RASA2: variants seen among roughly 807,000 people sequenced by gnomAD.
RASA2 encodes ras GTPase-activating protein 2.
In RASA2, 155 loss-of-function variants were observed where a neutral mutation model predicts 118.2. The observed-to-expected ratio is 1.31, with a 90% CI of 1.15 to 1.50. The LOEUF is 1.50. RASA2 is among the 40% of genes most tolerant of loss of function. The pLI is 0.00. For missense variants in RASA2, 1,016 were observed against 1,009.6 expected (o/e 1.01, Z -0.09); for synonymous variants, 353 against 349.1 (o/e 1.01, Z -0.12).
chr3:141,598,362 CTTA>C (rs796926189), intron 19 of RASA2, among the ~76,000 whole-genome samples: 7 of 152,240 alleles, frequency 4.6e-5, no homozygotes, highest in East Asian at 1.9e-4. Context: ...CATAATTTAT[CTTA>C]TTAACAGACT....
At chr3:141,545,142 T>TA (rs1376608026) in intron 5 of RASA2, among the ~76,000 whole-genome samples, 191 of 152,122 alleles carry the variant, frequency 1.3e-3, no homozygotes, top group African/African-American at 4.4e-3. Flanking sequence ...GAACTTAAGT[T>TA]AAAAAGAAAT....
intron 19 of RASA2, among the ~76,000 whole-genome samples, chr3:141,592,353 A>G (rs1449802167): frequency 6.6e-6 from 1 of 152,198 alleles, no homozygotes; most frequent in Non-Finnish European, 1.5e-5. Context: ...TGTTAAAGAG[A>G]TAAGAGAAAG....
At chr3:141,556,541 G>A (rs1413639505) in intron 7 of RASA2, among the ~76,000 whole-genome samples, 6 of 151,902 alleles carry the variant, frequency 3.9e-5, no homozygotes, top group African/African-American at 1.5e-4. Context: ...CAGCTGCCTT[G>A]AAGTTGTCCC....
chr3:141,570,923 A>G lies in RASA2; in HGVS notation c.875A>G (p.Gln292Arg). ...TATTTTTACTTTAGGTACTTGCTACAGCCAAGAGACAATGGAAACAAGTCA... is the reference window on the plus strand; with the variant it reads ...TATTTTTACTTTAGGTACTTGCTACGGCCAAGAGACAATGGAAACAAGTCA... ...DSSHQAWYLL[Q>R]PRDNGNKSSK... Residue 292 changes from glutamine (Q) to arginine (R), a missense_variant, in exon 10 of 24, where the codon CAG (glutamine) becomes CGG (arginine). Around this residue, in one of 2 missense-constraint regions of RASA2, gnomAD observed 896 missense variants for 836.4 expected, o/e 1.07. Coordinates refer to ENST00000286364, the MANE Select transcript of RASA2 (RefSeq NM_006506.5). 2 of 1,605,324 alleles carry G rather than the reference A, an allele frequency of 1.2e-6. No homozygotes were observed. The highest frequency in any genetic ancestry group is 2.3e-5 in the South Asian group (2 of 88,866).
chr3:141,495,555 G>A (rs1403806013), intron 1 of RASA2, among the ~76,000 whole-genome samples: 1 of 152,154 alleles, frequency 6.6e-6, no homozygotes, highest in Non-Finnish European at 1.5e-5. Context: ...ACAAAAAAAG[G>A]AAAGTTTATC....
At chr3:141,518,516 A>T (rs2082064791) in intron 3 of RASA2, among the ~76,000 whole-genome samples, 1 of 148,072 alleles carries the variant, frequency 6.8e-6, no homozygotes, top group South Asian at 2.1e-4. Flanking sequence ...AAAAAAAAAA[A>T]AATTAAGCGT....
At position 141,591,882 on chromosome 3, in the gene RASA2, C is replaced by CT. The variant is rs898801365; in HGVS notation, c.1933+5141dup. ...TATTTTCACATACAGGGCTCTGCAG[C>CT]TTTTTTTTTTTCTGATAGCTAAAGA... On this transcript the variant is annotated intron_variant, in intron 19 of 23. Transcript: ENST00000286364. Among the ~76,000 whole-genome samples the CT allele has an allele frequency of 4.3e-3, 624 of 146,634 alleles. 3 individuals carry two copies. The highest frequency in any genetic ancestry group is 0.013 in the African/African-American group (538 of 40,234).
intron 1 of RASA2, among the ~76,000 whole-genome samples, chr3:141,503,701 G>C (rs2081819677): frequency 6.6e-6 from 1 of 151,958 alleles, no homozygotes; most frequent in African/African-American, 2.4e-5. Context: ...TATCTTATTT[G>C]TTGTCGATCT....
At chr3:141,526,866 T>C (rs532060435) in intron 3 of RASA2, among the ~76,000 whole-genome samples, 1 of 152,340 alleles carries the variant, frequency 6.6e-6, no homozygotes, top group Non-Finnish European at 1.5e-5. Context: ...ACAGTGAATG[T>C]CATGATACTC....
intron 4 of RASA2, among the ~76,000 whole-genome samples, chr3:141,540,303 C>G (rs922956286): frequency 6.6e-6 from 1 of 152,118 alleles, no homozygotes; most frequent in Non-Finnish European, 1.5e-5. Flanking sequence ...TTGAATTGGA[C>G]ATAAAATTCT....
At chr3:141,497,323 A>AT (rs956681823) in intron 1 of RASA2, among the ~76,000 whole-genome samples, 26 of 91,824 alleles carry the variant, frequency 2.8e-4, no homozygotes, top group African/African-American at 7.2e-4. Context: ...AAGTATAATA[A>AT]AAAAAAAAAA....
At chr3:141,550,447 A>G (rs2082557497) in intron 5 of RASA2, among the ~76,000 whole-genome samples, 1 of 152,246 alleles carries the variant, frequency 6.6e-6, no homozygotes, top group Non-Finnish European at 1.5e-5. Context: ...CATGACAACT[A>G]AATGCACTAT....
chr3:141,561,315 C>G (rs1207073195), intron 9 of RASA2, among the ~76,000 whole-genome samples: 1 of 152,162 alleles, frequency 6.6e-6, no homozygotes, highest in African/African-American at 2.4e-5. Flanking sequence ...TGAAATGTGC[C>G]ACATAATCTG....
chr3:141,511,644 G>T (rs1253131442), intron 1 of RASA2, among the ~76,000 whole-genome samples: 1 of 152,164 alleles, frequency 6.6e-6, no homozygotes, highest in Non-Finnish European at 1.5e-5. Flanking sequence ...TAGTGGCATG[G>T]TGGGGTCAGA....
chr3:141,532,768 TC>T (rs1399342492), intron 4 of RASA2, among the ~76,000 whole-genome samples: 1 of 151,830 alleles, frequency 6.6e-6, no homozygotes, highest in African/African-American at 2.4e-5. Context: ...ACTGTAGACC[TC>T]CCCCCTGCCC....
intron 4 of RASA2, among the ~76,000 whole-genome samples, chr3:141,536,080 C>T (rs964127957): frequency 2.6e-5 from 4 of 152,058 alleles, no homozygotes; most frequent in African/African-American, 4.8e-5. Context: ...GTATAAAATA[C>T]TAAATCTTCA....
At chr3:141,531,510 C>T (rs1035750027) in intron 4 of RASA2, among the ~76,000 whole-genome samples, 1 of 151,220 alleles carries the variant, frequency 6.6e-6, no homozygotes, top group Non-Finnish European at 1.5e-5. Flanking sequence ...ACATTACATA[C>T]ACATGGGTAT....
At chr3:141,545,780 T>C (rs2082476076) in intron 5 of RASA2, among the ~76,000 whole-genome samples, 1 of 152,118 alleles carries the variant, frequency 6.6e-6, no homozygotes, top group Non-Finnish European at 1.5e-5. Flanking sequence ...TAATAAATTA[T>C]TGTTGTCTGT....
chr3:141,511,002 CTCTCATGTTTG>C, intron 1 of RASA2, among the ~76,000 whole-genome samples: 1 of 152,256 alleles, frequency 6.6e-6, no homozygotes, highest in East Asian at 1.9e-4. Context: ...AGTTAGGCAA[CTCTCATGTTTG>C]TTCGAATAAA....
Sources: allele counts gnomAD v4.1 joint callset (sites outside exome capture counted in the v4.1 genomes callset), GRCh38; gene constraint gnomAD v4.1.1; regional missense constraint gnomAD v4.1.1; transcripts MANE v1.5; gene names NCBI Gene and HGNC (gene_info 2026-07-23, HGNC 2026-07-21).